Variants in TLK1 observed in about 807,000 individuals in gnomAD.
TLK1 encodes serine/threonine-protein kinase tousled-like 1.
In TLK1, 24 loss-of-function variants were observed where a neutral mutation model predicts 105.3. The observed-to-expected ratio is 0.23, with a 90% CI of 0.17 to 0.32. The LOEUF (loss-of-function observed/expected upper bound fraction) is 0.32, where lower values mean the gene tolerates loss of function less well. Among genes scored for constraint, TLK1 ranks in the 10% least tolerant of loss-of-function variants. The pLI is 1.00. For synonymous variants in TLK1, 321 were observed against 310.4 expected, an observed-to-expected ratio of 1.03 and a Z score of -0.36; for missense variants, 558 against 910.5, an observed-to-expected ratio of 0.61 and a Z score of 4.98.
chr2:171,166,780 C>T (rs775625169), intron 1 of TLK1, among the ~76,000 whole-genome samples: 5 of 152,098 alleles, frequency 3.3e-5, no homozygotes, highest in South Asian at 2.1e-4. Context: ...CAAGAATGTC[C>T]GCGGCACTAC....
intron 1 of TLK1, among the ~76,000 whole-genome samples, chr2:171,220,965 C>T (rs1046328297): frequency 2.6e-5 from 4 of 152,030 alleles, no homozygotes; most frequent in Admixed American, 6.6e-5. Context: ...GTGGGAGGAT[C>T]GCTTGAGCCC....
intron 11 of TLK1, among the ~76,000 whole-genome samples, chr2:171,031,633 A>G (rs1339628559): frequency 6.6e-6 from 1 of 152,210 alleles, no homozygotes; most frequent in Non-Finnish European, 1.5e-5. Flanking sequence ...TTTATTATGC[A>G]CACATAATAT....
intron 14 of TLK1, among the ~76,000 whole-genome samples, chr2:171,008,109 AAGCAG>A (rs1684730170): frequency 6.6e-6 from 1 of 152,172 alleles, no homozygotes; most frequent in South Asian, 2.1e-4. Flanking sequence ...AGGAAGGGAT[AAGCAG>A]TAAAGTGACT....
At chr2:171,156,073 CA>C in intron 1 of TLK1, among the ~76,000 whole-genome samples, 1 of 152,208 alleles carries the variant, frequency 6.6e-6, no homozygotes, top group African/African-American at 2.4e-5. Context: ...TTCACATTGT[CA>C]GTAACTTAAA....
intron 2 of TLK1, among the ~76,000 whole-genome samples, chr2:171,100,748 T>C (rs867150492): frequency 1.3e-5 from 2 of 152,180 alleles, no homozygotes; most frequent in South Asian, 2.1e-4. Flanking sequence ...TGTGGCTATT[T>C]TGAAAAGGAG....
intron 4 of TLK1, chr2:171,060,066 A>T: frequency 6.3e-7 from 1 of 1,591,000 alleles, no homozygotes; most frequent in Non-Finnish European, 8.6e-7. Flanking sequence ...AAACACTGAA[A>T]GCCAGACTAA....
chr2:170,993,763 C>A lies in TLK1; in HGVS notation c.*17G>T, dbSNP rs752381858. 24 of 1,532,742 alleles carry A rather than the reference C, an allele frequency of 1.6e-5. No individual in the cohort carries two copies. The highest frequency in any genetic ancestry group is 1.9e-5 in the Non-Finnish European group (22 of 1,136,968). The allele number at this position is 1,532,742 out of a possible 1,614,324, so 94.9% of individuals were successfully genotyped here. ...TGGAAGCAAATTCAAAGATATCATGCCAATCTTGGAGGAAAGTCAGTAAGT... is the reference window on the plus strand; with the variant it reads ...TGGAAGCAAATTCAAAGATATCATGACAATCTTGGAGGAAAGTCAGTAAGT... On this transcript the variant is annotated 3_prime_UTR_variant, in exon 21 of 21. Transcript: ENST00000431350.
intron 20 of TLK1, 131 bp from the exon 21 acceptor site, chr2:170,994,087 TAA>T: frequency 2.1e-6 from 2 of 940,376 alleles, no homozygotes; most frequent in Non-Finnish European, 1.4e-6. Flanking sequence ...GTTCAAACCT[TAA>T]AAAAAAAATT....
At chr2:171,102,907 A>G (rs1689752375) in intron 2 of TLK1, among the ~76,000 whole-genome samples, 1 of 152,124 alleles carries the variant, frequency 6.6e-6, no homozygotes, top group Admixed American at 6.6e-5. Context: ...AAACACATAA[A>G]TTTTAGTATT....
intron 2 of TLK1, among the ~76,000 whole-genome samples, chr2:171,105,689 A>C (rs963320870): frequency 4.6e-5 from 7 of 151,304 alleles, no homozygotes; most frequent in South Asian, 4.2e-4. Flanking sequence ...TCCGTCTCGA[A>C]AAAAAAAAGA....
rs533930557 is a variant in TLK1 at position 171,181,511 on chromosome 2, C to T, written c.-6+49634G>A. 1.4e-4 allele frequency among the ~76,000 whole-genome samples: 21 copies of T among 152,270 alleles called. No individual in the cohort carries two copies. In the South Asian group the frequency reaches 3.7e-3, roughly 27 times the overall value. ...TTATAAAGAAAAGGTTTATTTGGCT[C>T]CTGGTTCTGCAGTCCATACAAGAAG... On this transcript the variant is annotated intron_variant, in intron 1 of 20. Transcript: ENST00000521943.
intron 2 of TLK1, among the ~76,000 whole-genome samples, chr2:171,104,271 T>C (rs1165089230): frequency 1.4e-5 from 2 of 140,200 alleles, no homozygotes; most frequent in Non-Finnish European, 3.1e-5. Context: ...GTTGAGATTC[T>C]GTCTCAAAAA....
intron 12 of TLK1, among the ~76,000 whole-genome samples, chr2:171,023,626 G>A (rs1195770809): frequency 2.0e-5 from 3 of 152,128 alleles, no homozygotes; most frequent in Non-Finnish European, 1.5e-5. Context: ...TTGAGTAACA[G>A]CAGTCTCAAG....
chr2:171,099,111 A>G (rs1689581190), intron 2 of TLK1, among the ~76,000 whole-genome samples: 1 of 152,180 alleles, frequency 6.6e-6, no homozygotes, highest in Non-Finnish European at 1.5e-5. Context: ...GTAAATACTA[A>G]AGGTAAATAC....
intron 1 of TLK1, among the ~76,000 whole-genome samples, chr2:171,146,765 G>T (rs1691808028): frequency 6.6e-6 from 1 of 152,200 alleles, no homozygotes; most frequent in Non-Finnish European, 1.5e-5. Context: ...CACAACCTCT[G>T]TGGCAGAAAT....
intron 1 of TLK1, among the ~76,000 whole-genome samples, chr2:171,219,292 T>C (rs1194646589): frequency 6.6e-6 from 1 of 152,150 alleles, no homozygotes; most frequent in Non-Finnish European, 1.5e-5. Context: ...CTGCTGGCAT[T>C]CCTTGGCTTG....
chr2:171,053,804 T>C lies in TLK1; in HGVS notation c.689A>G (p.Gln230Arg). 1.2e-6 allele frequency: 2 copies of C among 1,610,702 alleles called. No homozygotes were observed. Among genetic ancestry groups the C allele is most frequent in the Non-Finnish European group, 1.7e-6 (2 of 1,178,356 alleles). Residue 230 changes from glutamine to arginine, a missense_variant, in exon 8 of 21, where the codon CAG becomes CGG. Around this residue, in one of 5 missense-constraint regions of TLK1, gnomAD observed 196 missense variants for 239.3 expected, o/e 0.82. Transcript: ENST00000431350. ...ACGTCCCTCCTTCTTTTCCAGGTCC[T>C]GGATTTTATTACTTTCTAATGCTGC... Reference protein sequence around the residue: ...KLAALESNKIQDLEKKEGRID... With the variant: ...KLAALESNKIRDLEKKEGRID...
intron 1 of TLK1, among the ~76,000 whole-genome samples, chr2:171,220,971 A>G (rs1337920665): frequency 6.6e-6 from 1 of 152,162 alleles, no homozygotes; most frequent in African/African-American, 2.4e-5. Context: ...GGATCGCTTG[A>G]GCCCAGGAGT....
At chr2:171,047,315 T>C (rs1687009292) in intron 10 of TLK1, among the ~76,000 whole-genome samples, 1 of 151,208 alleles carries the variant, frequency 6.6e-6, no homozygotes, top group Admixed American at 6.6e-5. Context: ...CCATGTTCTC[T>C]TTCAGGTCAC....
Sources: gnomAD v4.1 joint callset for allele counts (sites outside exome capture counted in the v4.1 genomes callset) on GRCh38, gnomAD v4.1.1 for gene constraint, gnomAD v4.1.1 regional missense constraint, MANE v1.5 for transcripts, NCBI Gene and HGNC (gene_info 2026-07-23, HGNC 2026-07-21) for gene names.